MAST4: variants seen among roughly 807,000 people sequenced by gnomAD.
The protein encoded by MAST4 is microtubule-associated serine/threonine-protein kinase 4.
Under a neutral mutation model 162.7 loss-of-function variants are expected in MAST4, and 89 were observed. The observed-to-expected ratio is 0.55, with a 90% confidence interval of 0.46 to 0.65. The LOEUF is 0.65. Ranked by LOEUF, MAST4 falls within the 30% of genes least tolerant of loss-of-function variation. The pLI, the probability that MAST4 is intolerant of heterozygous loss-of-function variation, is 0.00. For synonymous variants in MAST4, 1,479 were observed against 1,361.1 expected (o/e 1.09, Z -1.91); for missense variants, 3,153 against 3,374.0 (o/e 0.93, Z 1.62).
At chr5:67,077,752 C>T (rs1308769961) in intron 5 of MAST4, among the ~76,000 whole-genome samples, 1 of 152,144 alleles carries the variant, frequency 6.6e-6, no homozygotes, top group Non-Finnish European at 1.5e-5. Context: ...CTATCTTGCT[C>T]CTTATAAGAA....
chr5:66,968,134 A>G (rs1445372790), intron 4 of MAST4, among the ~76,000 whole-genome samples: 1 of 152,168 alleles, frequency 6.6e-6, no homozygotes, highest in Non-Finnish European at 1.5e-5. Context: ...TGTAGGCTGG[A>G]ACACCATTAC....
chr5:67,124,559 A>G (rs951804740), intron 14 of MAST4, among the ~76,000 whole-genome samples: 2 of 152,184 alleles, frequency 1.3e-5, no homozygotes, highest in Admixed American at 6.5e-5. Context: ...GCAATACAGA[A>G]ATGTAAAAAC....
chr5:66,968,362 G>C (rs996336603), intron 4 of MAST4, among the ~76,000 whole-genome samples: 1 of 152,184 alleles, frequency 6.6e-6, no homozygotes, highest in Non-Finnish European at 1.5e-5. Context: ...GTTGGCAGTA[G>C]AGAAGGTATG....
intron 4 of MAST4, chr5:66,959,194 C>T: frequency 1.3e-6 from 1 of 779,214 alleles, no homozygotes; most frequent in South Asian, 1.3e-5. Context: ...CACCGGGACG[C>T]TGGCAGGGAG....
chr5:67,105,402 C>G (rs1427711936), intron 10 of MAST4, among the ~76,000 whole-genome samples: 1 of 152,188 alleles, frequency 6.6e-6, no homozygotes, highest in East Asian at 1.9e-4. Context: ...AGAACTCTAT[C>G]TATCCTTGCC....
intron 6 of MAST4, among the ~76,000 whole-genome samples, chr5:67,092,661 G>C (rs1763999901): frequency 6.6e-6 from 1 of 152,078 alleles, no homozygotes; most frequent in South Asian, 2.1e-4. Context: ...TGGAAACATA[G>C]AGCCCTCCAA....
At chr5:66,732,049 A>G (rs1055126821) in intron 1 of MAST4, among the ~76,000 whole-genome samples, 3 of 151,960 alleles carry the variant, frequency 2.0e-5, no homozygotes, top group East Asian at 2.0e-4. Flanking sequence ...TTGTCTCAAC[A>G]GCTTCCTCAC....
chr5:66,602,071 A>G (rs533195157), intron 1 of MAST4, among the ~76,000 whole-genome samples: 33 of 152,370 alleles, frequency 2.2e-4, no homozygotes, highest in African/African-American at 7.9e-4. Context: ...TACATATGAA[A>G]TACTTTTGAT....
At chr5:66,794,941 CAG>C (rs1755580398) in intron 3 of MAST4, among the ~76,000 whole-genome samples, 2 of 152,230 alleles carry the variant, frequency 1.3e-5, no homozygotes, top group African/African-American at 4.8e-5. Flanking sequence ...TATAAGAAGT[CAG>C]GGAAAATTTA....
At chr5:66,699,625 C>A (rs888625545) in intron 1 of MAST4, among the ~76,000 whole-genome samples, 1 of 152,130 alleles carries the variant, frequency 6.6e-6, no homozygotes, top group African/African-American at 2.4e-5. Context: ...ATGGATGAAG[C>A]TGGAAACCAT....
chr5:67,085,412 C>T (rs1168352587), intron 5 of MAST4, among the ~76,000 whole-genome samples: 1 of 152,190 alleles, frequency 6.6e-6, no homozygotes, highest in African/African-American at 2.4e-5. Context: ...AAGGCTCTTT[C>T]TAAAACGTAA....
intron 1 of MAST4, among the ~76,000 whole-genome samples, chr5:66,649,491 C>G (rs1271311344): frequency 6.6e-6 from 1 of 152,164 alleles, no homozygotes; most frequent in Non-Finnish European, 1.5e-5. Flanking sequence ...TTGATCGAAT[C>G]ATCTGTCAAG....
At chr5:67,156,592 T>C (rs915373174) in intron 26 of MAST4, among the ~76,000 whole-genome samples, 4 of 152,130 alleles carry the variant, frequency 2.6e-5, no homozygotes, top group Admixed American at 6.6e-5. Context: ...ATTCAGTATA[T>C]AGTCAGGGGT....
At position 66,739,735 on chromosome 5, in the gene MAST4, A is replaced by G. The variant is rs375347848; in HGVS notation, c.364-19974A>G. Among the ~76,000 whole-genome samples the G allele has an allele frequency of 1.8e-4, 27 of 152,276 alleles. No homozygotes were observed. In the South Asian group the frequency reaches 5.6e-3, roughly 32 times the overall value. On this transcript the variant is annotated intron_variant, in intron 1 of 28. Coordinates refer to ENST00000403625, the MANE Select transcript of MAST4 (RefSeq NM_001164664.2). ...CAGAGCAGGCAGCGACCTATTAAGG[A>G]AGAATGGGATTATGTTTTCCCATGG...
intron 4 of MAST4, among the ~76,000 whole-genome samples, chr5:66,928,878 T>C (rs187740311): frequency 1.8e-3 from 267 of 152,348 alleles, no homozygotes; most frequent in African/African-American, 6.1e-3. Flanking sequence ...TGGTGAATGA[T>C]GATTCCCCTG....
chr5:66,801,879 A>G (rs554182799), intron 3 of MAST4, among the ~76,000 whole-genome samples: 2 of 152,354 alleles, frequency 1.3e-5, no homozygotes, highest in African/African-American at 4.8e-5. Flanking sequence ...GATGTAAGAC[A>G]TTCATTTGTT....
chr5:66,828,895 T>G (rs367709155), intron 3 of MAST4: 108 of 1,587,442 alleles, frequency 6.8e-5, no homozygotes, highest in Non-Finnish European at 8.9e-5. Context: ...AGGAGACTGC[T>G]CCATTCTTGA....
chr5:66,964,251 C>G (rs1410015692), intron 4 of MAST4, among the ~76,000 whole-genome samples: 1 of 152,114 alleles, frequency 6.6e-6, no homozygotes, highest in Admixed American at 6.5e-5. Context: ...GGTATATACT[C>G]CTACCCCCTC....
chr5:67,165,046 C>T lies in MAST4; in HGVS notation c.5867C>T (p.Pro1956Leu), dbSNP rs575005856. The T allele has an allele frequency of 5.0e-6, 8 of 1,607,400 alleles. No individual in the cohort carries two copies. The highest frequency in any genetic ancestry group is 2.2e-5 in the East Asian group (1 of 44,458). ...HSPDLARPRC[P>L]LPPEASPSRE... ...CCTGACCTGGCCAGGCCACGCTGCC[C>T]GCTCCCACCTGAAGCTTCCCCCTCA... is the stretch of plus-strand genomic sequence containing the variant. The change falls in exon 29 of 29, where the codon CCG becomes CTG. Residue 1956 changes from proline (P) to leucine (L), a missense_variant. Around this residue, in one of 7 missense-constraint regions of MAST4, gnomAD observed 1,644 missense variants for 1,495.0 expected, o/e 1.10. Transcript: ENST00000403625.
Sources: gnomAD v4.1 joint callset for allele counts (sites outside exome capture counted in the v4.1 genomes callset) on GRCh38, gnomAD v4.1.1 for gene constraint, gnomAD v4.1.1 regional missense constraint, MANE v1.5 for transcripts, NCBI Gene and HGNC (gene_info 2026-07-23, HGNC 2026-07-21) for gene names.